TMEM164: variants seen among roughly 807,000 people sequenced by gnomAD.
TMEM164 encodes the protein RP13-360B22.2.
TMEM164 carries 4 observed loss-of-function variants against 18.8 expected under a neutral mutation model. The ratio of observed to expected loss-of-function variants is 0.21; its 90% CI spans 0.10 to 0.49. TMEM164 has a LOEUF of 0.49. Among genes scored for constraint, TMEM164 ranks in the 20% least tolerant of loss-of-function variants. The probability of loss-of-function intolerance (pLI) is 0.98; values close to 1 mark genes in which losing one functional copy is unlikely to be tolerated. For missense variants in TMEM164, 108 were observed against 239.9 expected, an observed-to-expected ratio of 0.45 and a Z score of 3.63; for synonymous variants, 86 against 101.7, an observed-to-expected ratio of 0.85 and a Z score of 0.93.
intron 2 of TMEM164, among the ~76,000 whole-genome samples, chrX:110,048,761 A>G (rs1052782843): frequency 9.0e-6 from 1 of 111,501 alleles, no homozygotes; most frequent in African/African-American, 3.3e-5. Context: ...ATATAGAGGG[A>G]AATAGGAGAG....
At position 110,111,793 on chromosome X, in the gene TMEM164, C is replaced by T. The variant is rs773373155; in HGVS notation, c.507+2647C>T. On this transcript the variant is annotated intron_variant, in intron 4 of 6. Coordinates refer to ENST00000372068, the MANE Select transcript of TMEM164 (RefSeq NM_032227.4). Reference sequence around the variant, plus strand: ...ATGAGAATGAAGGCCCCAAAATGCTCCATTACATACCTGAAATCAGTTAGA... The same window carrying T: ...ATGAGAATGAAGGCCCCAAAATGCTTCATTACATACCTGAAATCAGTTAGA... Among the ~76,000 whole-genome samples, 18 of 112,261 alleles carry T rather than the reference C, an allele frequency of 1.6e-4. No homozygotes were observed. In the South Asian group the frequency reaches 6.6e-3, roughly 41 times the overall value.
rs574301279 is a variant in TMEM164, at chrX:110,030,549, T to C, written c.390+26385T>C. 4.6e-5 allele frequency among the ~76,000 whole-genome samples: 5 copies of C among 108,414 alleles called. No homozygotes were observed. In the South Asian group the frequency reaches 2.0e-3, roughly 44 times the overall value. 94.1% of individuals were successfully genotyped at this position (108,414 alleles called of 115,157 possible). ...AAGATAGTACATTCACTGGGTGCAG[T>C]GGCTCACACCTGTAATCCCAGCACT... On this transcript the variant is annotated intron_variant, in intron 2 of 6. Transcript: ENST00000372068.
At chrX:110,057,930 C>CAAATATAGG (rs1287121421) in intron 2 of TMEM164, among the ~76,000 whole-genome samples, 1 of 110,851 alleles carries the variant, frequency 9.0e-6, no homozygotes, top group Admixed American at 9.6e-5. Context: ...TGCTATATAG[C>CAAATATAGG]TTTTTAGGTT....
chrX:110,146,462 C>T (rs772608298), intron 5 of TMEM164, among the ~76,000 whole-genome samples: 3 of 112,048 alleles, frequency 2.7e-5, no homozygotes, highest in Admixed American at 9.4e-5. Context: ...CAGATCCTCC[C>T]GATAGCCCAG....
intron 2 of TMEM164, among the ~76,000 whole-genome samples, chrX:110,032,473 A>C (rs1934560708): frequency 9.0e-6 from 1 of 111,054 alleles, no homozygotes. Context: ...CTAAAAGCTT[A>C]GTTAATTGCC....
At chrX:110,082,973 G>C (rs2065781944) in intron 3 of TMEM164, among the ~76,000 whole-genome samples, 1 of 111,547 alleles carries the variant, frequency 9.0e-6, no homozygotes, top group Non-Finnish European at 1.9e-5. Flanking sequence ...CATATATAAA[G>C]AGTGTTAATC....
At chrX:110,145,281 T>G in intron 5 of TMEM164, among the ~76,000 whole-genome samples, 1 of 110,930 alleles carries the variant, frequency 9.0e-6, no homozygotes, top group East Asian at 2.8e-4. Context: ...CAAAAGAAGA[T>G]ATTGTAAGGG....
intron 2 of TMEM164, among the ~76,000 whole-genome samples, chrX:110,015,767 C>T (rs1158571006): frequency 3.6e-5 from 4 of 111,797 alleles, no homozygotes; most frequent in Admixed American, 9.4e-5. Flanking sequence ...TGTTGGCACC[C>T]TGAGGAAAGG....
intron 3 of TMEM164, among the ~76,000 whole-genome samples, chrX:110,104,797 T>C (rs1345192184): frequency 8.9e-6 from 1 of 111,853 alleles, no homozygotes; most frequent in African/African-American, 3.2e-5. Context: ...CAGTAAGCTA[T>C]TGGTAGTTAA....
chrX:110,168,211 C>T (rs767243718), intron 5 of TMEM164, among the ~76,000 whole-genome samples: 1 of 113,049 alleles, frequency 8.8e-6, no homozygotes, highest in East Asian at 2.8e-4. Context: ...CCACCGCAGC[C>T]AGGGTGACAA....
Position 110,153,935 on chromosome X carries a change from A to G in TMEM164, c.586+9059A>G, listed in dbSNP as rs745725672. On this transcript the variant is annotated intron_variant, in intron 5 of 6. Coordinates refer to ENST00000372068, the MANE Select transcript of TMEM164 (RefSeq NM_032227.4). ...TAATACCTAATACAATGTAAATGCT[A>G]TATACATAGTTGTTATACTGTTTTT... is the stretch of plus-strand genomic sequence containing the variant. 6.3e-5 allele frequency among the ~76,000 whole-genome samples: 7 copies of G among 111,772 alleles called. No individual in the cohort carries two copies. The South Asian group carries it at 2.2e-3, about 36-fold the overall frequency.
intron 2 of TMEM164, among the ~76,000 whole-genome samples, chrX:110,056,603 C>T (rs1409628029): frequency 8.9e-6 from 1 of 111,946 alleles, no homozygotes; most frequent in Non-Finnish European, 1.9e-5. Context: ...TTTAACCTCT[C>T]AAGGAGCTGC....
At chrX:110,171,270 C>T (rs1466279176) in intron 5 of TMEM164, 150 bp from the exon 6 acceptor site, 1 of 467,942 alleles carries the variant, frequency 2.1e-6, no homozygotes, top group African/African-American at 2.5e-5. Context: ...CCCAGCTAAT[C>T]AGTGGGGCTG....
chrX:110,089,568 TA>T (rs1222281779), intron 3 of TMEM164, among the ~76,000 whole-genome samples: 2 of 112,486 alleles, frequency 1.8e-5, no homozygotes, highest in Non-Finnish European at 3.7e-5. Flanking sequence ...CCCATCTAAT[TA>T]AGTATTCTTA....
At chrX:110,150,414 A>G (rs1182533274) in intron 5 of TMEM164, among the ~76,000 whole-genome samples, 1 of 112,531 alleles carries the variant, frequency 8.9e-6, no homozygotes, top group African/African-American at 3.2e-5. Context: ...TGCCAAAGCT[A>G]TGGGAAGCCT....
chrX:110,149,387 C>T (rs978726437), intron 5 of TMEM164, among the ~76,000 whole-genome samples: 25 of 111,716 alleles, frequency 2.2e-4, no homozygotes, highest in Non-Finnish European at 4.7e-4. Context: ...TCACCAGCAA[C>T]GTCTGTCTGA....
chrX:110,112,757 T>C (rs1363984979), intron 4 of TMEM164, among the ~76,000 whole-genome samples: 1 of 111,677 alleles, frequency 9.0e-6, no homozygotes, highest in Non-Finnish European at 1.9e-5. Context: ...CTTGGTCCTT[T>C]CTCTACACAC....
At chrX:110,085,591 G>A (rs1422465211) in intron 3 of TMEM164, among the ~76,000 whole-genome samples, 5 of 110,987 alleles carry the variant, frequency 4.5e-5, no homozygotes, top group African/African-American at 6.5e-5. Flanking sequence ...ACCCTTTTCA[G>A]CTCCATTGTT....
chrX:110,092,548 C>T (rs1425785200), intron 3 of TMEM164, among the ~76,000 whole-genome samples: 123 of 111,927 alleles, frequency 1.1e-3, no homozygotes, highest in Non-Finnish European at 1.8e-3. Flanking sequence ...GTGATTTTTG[C>T]ACATTGATTT....
Sources: allele counts gnomAD v4.1 joint callset (sites outside exome capture counted in the v4.1 genomes callset), GRCh38; gene constraint gnomAD v4.1.1; transcripts MANE v1.5; gene names NCBI Gene and HGNC (gene_info 2026-07-23, HGNC 2026-07-21).